The following LDB2 variants were observed in gnomAD, a reference collection of about 807,000 sequenced individuals.
LDB2 encodes the protein LIM domain binding 2, also known as LIM domain-binding protein 2.
Under a neutral mutation model 44.3 loss-of-function variants are expected in LDB2, and 12 were observed. That is an observed-to-expected ratio of 0.27 (90% CI 0.17 to 0.44). The LOEUF (loss-of-function observed/expected upper bound fraction) is 0.44, where lower values mean the gene tolerates loss of function less well. Ranked by LOEUF, LDB2 falls within the 20% of genes least tolerant of loss-of-function variation. The pLI is 1.00. For synonymous variants in LDB2, 164 were observed against 174.8 expected, an observed-to-expected ratio of 0.94 and a Z score of 0.49; for missense variants, 344 against 473.5, an observed-to-expected ratio of 0.73 and a Z score of 2.54.
At chr4:16,883,906 T>TA (rs1190593329) in intron 1 of LDB2, among the ~76,000 whole-genome samples, 35 of 148,216 alleles carry the variant, frequency 2.4e-4, no homozygotes, top group East Asian at 5.9e-4. Flanking sequence ...TTTGCATCTT[T>TA]AAAAAAAAAA....
intron 2 of LDB2, among the ~76,000 whole-genome samples, chr4:16,677,196 G>A (rs956558876): frequency 6.6e-6 from 1 of 152,206 alleles, no homozygotes; most frequent in Admixed American, 6.5e-5. Context: ...GGAGGAAGAA[G>A]ATGAATGGAT....
At chr4:16,864,998 CA>C (rs1297189556) in intron 1 of LDB2, among the ~76,000 whole-genome samples, 1 of 152,166 alleles carries the variant, frequency 6.6e-6, no homozygotes, top group African/African-American at 2.4e-5. Flanking sequence ...ATAATCCCAG[CA>C]CTTCGGGAGG....
chr4:16,581,320 G>A lies in LDB2; in HGVS notation c.615+4602C>T. 4.0e-6 allele frequency: 3 copies of A among 752,338 alleles called. No individual in the cohort carries two copies. In the South Asian group the frequency reaches 1.8e-4, roughly 45 times the overall value. The allele number at this position is 752,338 out of a possible 1,614,324, so 46.6% of individuals were successfully genotyped here. A position where few individuals can be genotyped will look rare whatever the true frequency, so the allele number is the denominator to read the frequency against. On this transcript the variant is annotated intron_variant, in intron 5 of 7. Transcript: ENST00000304523. ...CAGAGAGGTCAAGCAACTTGCCCAGGGTCACACAGCTAGTAAGAAGATGAT... is the reference window on the plus strand; with the variant it reads ...CAGAGAGGTCAAGCAACTTGCCCAGAGTCACACAGCTAGTAAGAAGATGAT...
At chr4:16,704,466 A>T (rs1754160829) in intron 2 of LDB2, among the ~76,000 whole-genome samples, 1 of 152,200 alleles carries the variant, frequency 6.6e-6, no homozygotes, top group Non-Finnish European at 1.5e-5. Context: ...TTTCTGCCTT[A>T]ATTGGGAGTA....
chr4:16,511,672 T>C (rs1020569591), intron 6 of LDB2, among the ~76,000 whole-genome samples: 1 of 152,122 alleles, frequency 6.6e-6, no homozygotes, highest in Non-Finnish European at 1.5e-5. Flanking sequence ...ACCACTAGAT[T>C]AGAAGACAGG....
intron 1 of LDB2, among the ~76,000 whole-genome samples, chr4:16,821,674 C>T (rs1418761163): frequency 6.8e-6 from 1 of 147,974 alleles, no homozygotes; most frequent in African/African-American, 2.5e-5. Context: ...CAGGCGTGAG[C>T]CACCGCGCCC....
chr4:16,664,811 C>T (rs75465972), intron 2 of LDB2, among the ~76,000 whole-genome samples: 2,507 of 152,266 alleles, frequency 0.016, 29 homozygotes, highest in South Asian at 0.056. Context: ...CTGCATGTTT[C>T]GGGTGTCGGC....
At chr4:16,739,458 T>C (rs1174863934) in intron 2 of LDB2, among the ~76,000 whole-genome samples, 1 of 148,252 alleles carries the variant, frequency 6.7e-6, no homozygotes, top group Non-Finnish European at 1.5e-5. Flanking sequence ...TGCTGGTGCA[T>C]GCCTGTAGTC....
At chr4:16,897,910 A>ACACATATG (rs1725598326) in intron 1 of LDB2, among the ~76,000 whole-genome samples, 1 of 15,446 alleles carries the variant, frequency 6.5e-5, no homozygotes, top group Non-Finnish European at 1.0e-4. Flanking sequence ...ATATATATAT[A>ACACATATG]TATATATATA....
chr4:16,602,447 G>A (rs1560600356), intron 2 of LDB2, among the ~76,000 whole-genome samples: 2 of 151,456 alleles, frequency 1.3e-5, no homozygotes, highest in Non-Finnish European at 2.9e-5. Flanking sequence ...TTTGTGGTAG[G>A]AGGGTGGTCA....
intron 1 of LDB2, among the ~76,000 whole-genome samples, chr4:16,816,303 T>C (rs1780884386): frequency 6.6e-6 from 1 of 152,188 alleles, no homozygotes; most frequent in African/African-American, 2.4e-5. Flanking sequence ...CTTATCAATA[T>C]ATAAACACAT....
chr4:16,749,290 C>A (rs1191887959), intron 2 of LDB2, among the ~76,000 whole-genome samples: 1 of 151,736 alleles, frequency 6.6e-6, no homozygotes, highest in Non-Finnish European at 1.5e-5. Context: ...AAATATGAGT[C>A]TCGGCGGGGT....
intron 2 of LDB2, among the ~76,000 whole-genome samples, chr4:16,704,705 A>G (rs112434654): frequency 2.2e-4 from 33 of 152,354 alleles, no homozygotes; most frequent in African/African-American, 7.9e-4. Context: ...CCTCTGATAA[A>G]TTATTAATAG....
At chr4:16,547,420 A>G (rs1736145154) in intron 5 of LDB2, among the ~76,000 whole-genome samples, 1 of 152,102 alleles carries the variant, frequency 6.6e-6, no homozygotes, top group African/African-American at 2.4e-5. Flanking sequence ...TAGGAAATGG[A>G]TATATTCACC....
chr4:16,736,134 A>C (rs574925459), intron 2 of LDB2, among the ~76,000 whole-genome samples: 1 of 152,274 alleles, frequency 6.6e-6, no homozygotes, highest in African/African-American at 2.4e-5. Flanking sequence ...ATGCTCCTGA[A>C]GCTCAGCTCT....
At chr4:16,862,918 G>C (rs1385233299) in intron 1 of LDB2, among the ~76,000 whole-genome samples, 1 of 152,146 alleles carries the variant, frequency 6.6e-6, no homozygotes, top group Non-Finnish European at 1.5e-5. Context: ...TTGGCAATCA[G>C]GAAAAGGAAG....
Position 16,502,444 on chromosome 4 carries a change from G to T in LDB2, c.*199C>A. 1.4e-6 allele frequency: 1 copy of T among 706,172 alleles called. No homozygotes were observed. Among genetic ancestry groups the T allele is most frequent in the South Asian group, 2.0e-5 (1 of 50,548 alleles). 43.7% of individuals were successfully genotyped at this position (706,172 alleles called of 1,614,324 possible). A position where few individuals can be genotyped will look rare whatever the true frequency, so the allele number is the denominator to read the frequency against. On this transcript the variant is annotated 3_prime_UTR_variant, in exon 8 of 8. Transcript: ENST00000304523. Reference sequence around the variant, plus strand: ...TTACCTGTGAAGGCCTCCAAGAAAGGGTCATGGAAGCTTACTGGGAATAAT... The same window carrying T: ...TTACCTGTGAAGGCCTCCAAGAAAGTGTCATGGAAGCTTACTGGGAATAAT...
intron 2 of LDB2, among the ~76,000 whole-genome samples, chr4:16,598,918 T>G (rs1176995774): frequency 1.3e-5 from 2 of 151,528 alleles, no homozygotes; most frequent in Non-Finnish European, 2.9e-5. Context: ...TAGTTCGTGT[T>G]AGATTTCTGT....
chr4:16,770,036 T>C lies in LDB2; in HGVS notation c.133-10776A>G, dbSNP rs1035099029. Among the ~76,000 whole-genome samples, 33 of 152,354 alleles carry C rather than the reference T, an allele frequency of 2.2e-4. 1 individual carries two copies. Among genetic ancestry groups the C allele is most frequent in the Admixed American group, 2.2e-3 (33 of 15,304 alleles). On this transcript the variant is annotated intron_variant, in intron 1 of 7. Coordinates refer to ENST00000304523, the MANE Select transcript of LDB2 (RefSeq NM_001290.5). ...GATCCACAAAATCAGTAATTAATTC[T>C]GAGCAGTCCAAACAGAAATGTTAGT...
Sources: allele counts gnomAD v4.1 joint callset (sites outside exome capture counted in the v4.1 genomes callset), GRCh38; gene constraint gnomAD v4.1.1; transcripts MANE v1.5; gene names NCBI Gene and HGNC (gene_info 2026-07-23, HGNC 2026-07-21).